NCK1: variants seen among roughly 807,000 people sequenced by gnomAD.
NCK1 encodes NCK adaptor protein 1.
In NCK1, 19 loss-of-function variants were observed where a neutral mutation model predicts 36.6. The observed-to-expected ratio is 0.52, with a 90% confidence interval of 0.36 to 0.76. The LOEUF is 0.76. NCK1 is among the 30% of genes least tolerant of loss of function. The pLI is 0.00. For missense variants in NCK1, 358 were observed against 445.6 expected (o/e 0.80, Z 1.77); for synonymous variants, 165 against 156.0 (o/e 1.06, Z -0.43).
chr3:136,862,923 C>T (rs903646243), intron 1 of NCK1, among the ~76,000 whole-genome samples: 1 of 149,014 alleles, frequency 6.7e-6, no homozygotes, highest in African/African-American at 2.5e-5. Flanking sequence ...GGACCTGCTT[C>T]AGATTCGTAC....
chr3:136,939,170 T>TGG (rs1940608200), intron 2 of NCK1, among the ~76,000 whole-genome samples: 1 of 152,228 alleles, frequency 6.6e-6, no homozygotes, highest in Admixed American at 6.5e-5. Context: ...ATATGTCTGT[T>TGG]CAGATTTTCT....
intron 2 of NCK1, among the ~76,000 whole-genome samples, chr3:136,943,525 G>A (rs879747741): frequency 2.0e-5 from 3 of 152,164 alleles, no homozygotes; most frequent in Admixed American, 6.5e-5. Context: ...GAAAATGAAA[G>A]TGTATGATTT....
intron 2 of NCK1, among the ~76,000 whole-genome samples, chr3:136,941,187 G>A (rs1940665452): frequency 1.4e-5 from 2 of 147,568 alleles, no homozygotes; most frequent in Non-Finnish European, 3.0e-5. Flanking sequence ...GTGCAGTGGT[G>A]GAATCTCTGC....
At chr3:136,899,924 CA>C in intron 1 of NCK1, 2 of 886,952 alleles carry the variant, frequency 2.3e-6, no homozygotes, top group Non-Finnish European at 3.8e-6. Flanking sequence ...GGAGATTGTT[CA>C]AATTAGGTTT....
intron 1 of NCK1, among the ~76,000 whole-genome samples, chr3:136,925,748 A>C (rs2108126999): frequency 6.6e-6 from 1 of 152,244 alleles, no homozygotes; most frequent in East Asian, 1.9e-4. Context: ...CTGTTGAAGG[A>C]CATCTGGGTG....
intron 2 of NCK1, chr3:136,930,607 G>T: frequency 6.9e-7 from 1 of 1,447,918 alleles, no homozygotes; most frequent in South Asian, 1.4e-5. Context: ...AAGTTAATCT[G>T]TTTATTAAAT....
chr3:136,925,606 G>C (rs928292955), intron 1 of NCK1, among the ~76,000 whole-genome samples: 1 of 152,072 alleles, frequency 6.6e-6, no homozygotes, highest in African/African-American at 2.4e-5. Flanking sequence ...TATATAAATG[G>C]AGTCATATAG....
chr3:136,935,864 A>G (rs1049561231), intron 2 of NCK1, among the ~76,000 whole-genome samples: 2 of 152,184 alleles, frequency 1.3e-5, no homozygotes, highest in East Asian at 1.9e-4. Context: ...GTCCCTGGCA[A>G]TTACTAATCT....
intron 1 of NCK1, among the ~76,000 whole-genome samples, chr3:136,911,619 T>C (rs1325479549): frequency 2.0e-5 from 3 of 152,252 alleles, no homozygotes; most frequent in African/African-American, 7.2e-5. Flanking sequence ...GAGTTCCTTA[T>C]ATATTTTGGA....
intron 1 of NCK1, among the ~76,000 whole-genome samples, chr3:136,897,698 A>C (rs1233105730): frequency 6.6e-6 from 1 of 152,170 alleles, no homozygotes; most frequent in Non-Finnish European, 1.5e-5. Context: ...TTTTTAGACA[A>C]ATGCTCACTT....
chr3:136,925,362 G>C (rs956951798), intron 1 of NCK1, among the ~76,000 whole-genome samples: 18 of 151,926 alleles, frequency 1.2e-4, no homozygotes, highest in African/African-American at 4.4e-4. Flanking sequence ...GATCATTATA[G>C]ATCCACATGC....
intron 1 of NCK1, among the ~76,000 whole-genome samples, chr3:136,874,096 T>A (rs1489045167): frequency 1.3e-5 from 2 of 152,266 alleles, no homozygotes; most frequent in African/African-American, 4.8e-5. Flanking sequence ...AATGTAATTT[T>A]AAAAAATTGG....
intron 1 of NCK1, chr3:136,899,886 T>C: frequency 2.6e-6 from 3 of 1,135,388 alleles, no homozygotes; most frequent in Non-Finnish European, 4.0e-6. Context: ...TTTAGGGGTT[T>C]TCTCTTCTAG....
chr3:136,882,625 G>A (rs1439995087), intron 1 of NCK1, among the ~76,000 whole-genome samples: 1 of 151,732 alleles, frequency 6.6e-6, no homozygotes, highest in Admixed American at 6.6e-5. Flanking sequence ...GTCACTTGGA[G>A]CACAGGCACC....
At chr3:136,863,036 A>G (rs1938290178) in intron 1 of NCK1, among the ~76,000 whole-genome samples, 1 of 151,122 alleles carries the variant, frequency 6.6e-6, no homozygotes, top group South Asian at 2.1e-4. Context: ...GTATTAACAT[A>G]CAAGTTAAAT....
At chr3:136,932,118 C>CAAAA (rs1288026754) in intron 2 of NCK1, among the ~76,000 whole-genome samples, 3 of 59,320 alleles carry the variant, frequency 5.1e-5, no homozygotes, top group Admixed American at 1.5e-4. Context: ...GACTCCATCT[C>CAAAA]AAAAAAAAAA....
At chr3:136,927,748 A>G (rs933875988) in intron 1 of NCK1, among the ~76,000 whole-genome samples, 6 of 152,066 alleles carry the variant, frequency 3.9e-5, no homozygotes, top group Non-Finnish European at 5.9e-5. Flanking sequence ...CTCGAACTCA[A>G]CCTCAAGTGA....
intron 1 of NCK1, among the ~76,000 whole-genome samples, chr3:136,903,835 G>C (rs543863083): frequency 4.9e-4 from 75 of 152,300 alleles, no homozygotes; most frequent in African/African-American, 1.7e-3. Flanking sequence ...TGGCTGTTCA[G>C]TATATCATCT....
intron 1 of NCK1, among the ~76,000 whole-genome samples, chr3:136,921,985 A>G (rs1940122101): frequency 6.6e-6 from 1 of 152,188 alleles, no homozygotes; most frequent in Admixed American, 6.5e-5. Flanking sequence ...GGGTTTCACC[A>G]TGTTGGCCAG....
Sources: allele counts gnomAD v4.1 joint callset (sites outside exome capture counted in the v4.1 genomes callset), GRCh38; gene constraint gnomAD v4.1.1; transcripts MANE v1.5; gene names NCBI Gene and HGNC (gene_info 2026-07-23, HGNC 2026-07-21).